DSCAML1: variants seen among roughly 807,000 people sequenced by gnomAD.
DSCAML1 encodes DS cell adhesion molecule like 1, also known as cell adhesion molecule DSCAML1.
Under a neutral mutation model 200.5 loss-of-function variants are expected in DSCAML1, and 38 were observed. That is an observed-to-expected ratio of 0.19 (90% CI 0.15 to 0.25). The LOEUF is 0.25. Among genes scored for constraint, DSCAML1 ranks in the 10% least tolerant of loss-of-function variants. DSCAML1 has a pLI of 1.00. For missense variants in DSCAML1, 2,223 were observed against 2,858.8 expected, an observed-to-expected ratio of 0.78 and a Z score of 5.07; for synonymous variants, 1,215 against 1,165.0, an observed-to-expected ratio of 1.04 and a Z score of -0.87.
intron 1 of DSCAML1, among the ~76,000 whole-genome samples, chr11:117,782,675 G>T (rs2055285617): frequency 6.6e-6 from 1 of 152,090 alleles, no homozygotes; most frequent in Non-Finnish European, 1.5e-5. Context: ...CACTTAGCAG[G>T]TCCCACTTCC....
intron 3 of DSCAML1, among the ~76,000 whole-genome samples, chr11:117,551,186 C>G (rs2050461339): frequency 6.6e-6 from 1 of 152,190 alleles, no homozygotes; most frequent in South Asian, 2.1e-4. Flanking sequence ...TCTGGAAGGA[C>G]AAAGGTCAGA....
At chr11:117,605,561 G>A (rs2051548358) in intron 3 of DSCAML1, among the ~76,000 whole-genome samples, 1 of 152,222 alleles carries the variant, frequency 6.6e-6, no homozygotes. Context: ...GGCACGTGGA[G>A]TCTGTCGTTG....
chr11:117,779,690 C>T (rs369431903), intron 2 of DSCAML1, among the ~76,000 whole-genome samples: 13 of 152,122 alleles, frequency 8.5e-5, no homozygotes, highest in African/African-American at 3.1e-4. Context: ...CACCGTTGGA[C>T]ACCATTTGTA....
At position 117,505,131 on chromosome 11, in the gene DSCAML1, C is replaced by A; in HGVS notation, c.2063-88G>T. 6.5e-7 allele frequency: 1 copy of A among 1,528,106 alleles called. No individual in the cohort carries two copies. The highest frequency in any genetic ancestry group is 1.4e-5 in the African/African-American group (1 of 72,452). The allele number at this position is 1,528,106 out of a possible 1,614,324, so 94.7% of individuals were successfully genotyped here. On this transcript the variant is annotated intron_variant, in intron 9 of 32. Coordinates refer to ENST00000651296, the MANE Select transcript of DSCAML1 (RefSeq NM_020693.4). The surrounding 1 kb of genome is among the most constrained non-coding windows in gnomAD (Gnocchi z 6.7). Reference sequence around the variant, plus strand: ...TCGAGCACCTTCTGTTTGAGGTCAGCCCTGCCCGGGCCATTATAAAGTTGG... The same window carrying A: ...TCGAGCACCTTCTGTTTGAGGTCAGACCTGCCCGGGCCATTATAAAGTTGG...
At chr11:117,468,891 C>T (rs1333009478) in intron 16 of DSCAML1, among the ~76,000 whole-genome samples, 1 of 152,234 alleles carries the variant, frequency 6.6e-6, no homozygotes, top group Non-Finnish European at 1.5e-5. Context: ...AGCACCTGGG[C>T]TTTTCCTGTC....
rs186634787 is a variant in DSCAML1 at position 117,692,640 on chromosome 11, A to C, written c.511+84151T>G. 1.1e-3 allele frequency among the ~76,000 whole-genome samples: 162 copies of C among 152,334 alleles called. 1 individual carries two copies. Among genetic ancestry groups the C allele is most frequent in the African/African-American group, 3.7e-3 (152 of 41,564 alleles). On this transcript the variant is annotated intron_variant, in intron 3 of 32. Coordinates refer to ENST00000651296, the MANE Select transcript of DSCAML1 (RefSeq NM_020693.4). ...TAATATCATAATCATAATAAAAATCAGAAGCTGATCACTAGAAGAGACCTT... is the reference window on the plus strand; with the variant it reads ...TAATATCATAATCATAATAAAAATCCGAAGCTGATCACTAGAAGAGACCTT...
At chr11:117,677,812 C>A (rs571452956) in intron 3 of DSCAML1, among the ~76,000 whole-genome samples, 1 of 152,180 alleles carries the variant, frequency 6.6e-6, no homozygotes, top group South Asian at 2.1e-4. Flanking sequence ...AAGGGACTTG[C>A]CCAAGGCTGC....
chr11:117,596,401 A>G (rs1435928148), intron 3 of DSCAML1, among the ~76,000 whole-genome samples: 1 of 146,822 alleles, frequency 6.8e-6, no homozygotes, highest in African/African-American at 2.5e-5. Flanking sequence ...AAAAAAAAAA[A>G]AATCTCAGTA....
chr11:117,547,544 C>T (rs988849460), intron 3 of DSCAML1, among the ~76,000 whole-genome samples: 2 of 152,168 alleles, frequency 1.3e-5, no homozygotes, highest in African/African-American at 4.8e-5. Flanking sequence ...GGTGGCTCTG[C>T]AGCTAGGAGG....
chr11:117,518,712 C>T lies in DSCAML1; in HGVS notation c.1264G>A (p.Gly422Arg), dbSNP rs373188125. The change falls in exon 7 of 33, where the codon GGG becomes AGG. Residue 422 changes from glycine to arginine, a missense_variant. Physicochemically the swap from Gly to Arg is moderately radical, Grantham distance 125. Coordinates refer to ENST00000651296, the MANE Select transcript of DSCAML1 (RefSeq NM_020693.4). The surrounding 1 kb of genome is among the most constrained non-coding windows in gnomAD (Gnocchi z 6.3). ...GCACACATCAGTGAGAACTGCTCCC[C>T]GGGGTTGACCACCTTCTCGCTGAAG... is the stretch of plus-strand genomic sequence containing the variant. ...SSFSEKVVNP[G>R]EQFSLMCAAK... 71 of 1,612,934 alleles carry T rather than the reference C, an allele frequency of 4.4e-5. No homozygotes were observed. The highest frequency in any genetic ancestry group is 1.1e-4 in the East Asian group (5 of 44,888).
chr11:117,664,649 C>T (rs1031679919), intron 3 of DSCAML1, among the ~76,000 whole-genome samples: 1 of 152,262 alleles, frequency 6.6e-6, no homozygotes, highest in South Asian at 2.1e-4. Flanking sequence ...GGACACTCCA[C>T]AAAGGGAGCT....
chr11:117,707,736 T>C (rs1175839463), intron 3 of DSCAML1, among the ~76,000 whole-genome samples: 1 of 152,066 alleles, frequency 6.6e-6, no homozygotes, highest in Admixed American at 6.6e-5. Context: ...GGTTTCACCA[T>C]GTTGACCAGG....
intron 3 of DSCAML1, among the ~76,000 whole-genome samples, chr11:117,564,467 T>A (rs373135061): frequency 6.6e-6 from 1 of 152,176 alleles, no homozygotes; most frequent in South Asian, 2.1e-4. Context: ...GCCTTGCAGG[T>A]CCCGGCGATT....
intron 3 of DSCAML1, among the ~76,000 whole-genome samples, chr11:117,536,113 C>A (rs1297776818): frequency 6.6e-6 from 1 of 151,786 alleles, no homozygotes; most frequent in Non-Finnish European, 1.5e-5. Flanking sequence ...CAGGGGGATG[C>A]ACAGCGCGAG....
intron 8 of DSCAML1, among the ~76,000 whole-genome samples, chr11:117,513,102 G>C (rs532531830): frequency 1.3e-5 from 2 of 152,150 alleles, no homozygotes; most frequent in Non-Finnish European, 2.9e-5. Context: ...GTTTTAATAT[G>C]TGATGTTTAC....
At chr11:117,446,252 T>G (rs1392871691) in intron 20 of DSCAML1, among the ~76,000 whole-genome samples, 1 of 152,162 alleles carries the variant, frequency 6.6e-6, no homozygotes, top group African/African-American at 2.4e-5. Flanking sequence ...TAATCCCAGT[T>G]ACTTGGGAGG....
At chr11:117,527,156 T>A (rs1171442631) in intron 4 of DSCAML1, among the ~76,000 whole-genome samples, 1 of 152,204 alleles carries the variant, frequency 6.6e-6, no homozygotes, top group South Asian at 2.1e-4. Flanking sequence ...AGCAAGATCT[T>A]GTCTCAAAAA....
At chr11:117,639,953 C>G (rs1364698959) in intron 3 of DSCAML1, among the ~76,000 whole-genome samples, 2 of 152,122 alleles carry the variant, frequency 1.3e-5, no homozygotes, top group African/African-American at 4.8e-5. Flanking sequence ...TTTCAACTCC[C>G]CAGGAATGTT....
At chr11:117,467,196 T>TCCCCCCC (rs1462816898) in intron 16 of DSCAML1, among the ~76,000 whole-genome samples, 2 of 114,486 alleles carry the variant, frequency 1.7e-5, no homozygotes, top group Non-Finnish European at 3.4e-5. Flanking sequence ...CACACACACC[T>TCCCCCCC]CCCCCCTCCC....
Sources: gnomAD v4.1 joint callset for allele counts (sites outside exome capture counted in the v4.1 genomes callset) on GRCh38, gnomAD v4.1.1 for gene constraint, Gnocchi (gnomAD v3.1) non-coding constraint, MANE v1.5 for transcripts, NCBI Gene and HGNC (gene_info 2026-07-23, HGNC 2026-07-21) for gene names.